Variants in AFG2A observed in about 807,000 individuals in gnomAD.
AFG2A encodes ATPase family gene 2 protein homolog A.
the AFG2A span, among the ~76,000 whole-genome samples, chr4:122,976,692 G>A: frequency 0.81 from 123,284 of 152,056 alleles, 51,723 homozygotes; most frequent in East Asian, 0.96. Context: ...AGTTTGCTTC[G>A]CTCTTGTATT....
chr4:123,132,982 G>T, the AFG2A span, among the ~76,000 whole-genome samples: 1 of 151,842 alleles, frequency 6.6e-6, no homozygotes, highest in African/African-American at 2.4e-5. Flanking sequence ...GGGTTTCACC[G>T]TGTTAGCCAG....
the AFG2A span, among the ~76,000 whole-genome samples, chr4:123,135,241 A>G: frequency 1.3e-5 from 2 of 152,202 alleles, no homozygotes; most frequent in African/African-American, 2.4e-5. Context: ...CAAATTAGGT[A>G]CAGAAGGAAT....
At chr4:123,124,380 T>C in the AFG2A span, among the ~76,000 whole-genome samples, 1 of 152,112 alleles carries the variant, frequency 6.6e-6, no homozygotes, top group Non-Finnish European at 1.5e-5. Flanking sequence ...CAGCAAGCTA[T>C]TGCAAGGACA....
At chr4:122,971,250 T>C in the AFG2A span, among the ~76,000 whole-genome samples, 1 of 151,828 alleles carries the variant, frequency 6.6e-6, no homozygotes, top group Non-Finnish European at 1.5e-5. Flanking sequence ...CTACAGAAAA[T>C]TTACAGAATA....
the AFG2A span, among the ~76,000 whole-genome samples, chr4:123,248,797 A>G: frequency 2.0e-5 from 3 of 152,198 alleles, no homozygotes; most frequent in African/African-American, 7.2e-5. Flanking sequence ...CTCGTAGCTC[A>G]TTGTTCCATT....
chr4:123,237,245 G>A, the AFG2A span, among the ~76,000 whole-genome samples: 1 of 152,128 alleles, frequency 6.6e-6, no homozygotes, highest in African/African-American at 2.4e-5. Context: ...AAAAACAGCT[G>A]GTGGGACAGA....
chr4:123,238,620 C>A, the AFG2A span, among the ~76,000 whole-genome samples: 1 of 152,166 alleles, frequency 6.6e-6, no homozygotes, highest in Non-Finnish European at 1.5e-5. Context: ...AACTAACAAA[C>A]CAAAAGGAAT....
the AFG2A span, among the ~76,000 whole-genome samples, chr4:122,980,643 A>G: frequency 6.6e-6 from 1 of 152,082 alleles, no homozygotes; most frequent in South Asian, 2.1e-4. Flanking sequence ...TTTTCTCCAT[A>G]TCCTTGGCAA....
chr4:123,006,937 T>C, the AFG2A span, among the ~76,000 whole-genome samples: 18 of 43,958 alleles, frequency 4.1e-4, no homozygotes, highest in African/African-American at 6.1e-4. Flanking sequence ...TCTTTTACTC[T>C]CTTTTTTTTT....
chr4:123,139,866 T>G, the AFG2A span, among the ~76,000 whole-genome samples: 3 of 152,066 alleles, frequency 2.0e-5, no homozygotes, highest in Admixed American at 2.0e-4. Context: ...TATAAGCCTA[T>G]TATTTAATAT....
chr4:123,254,667 T>G, the AFG2A span, among the ~76,000 whole-genome samples: 3 of 152,214 alleles, frequency 2.0e-5, no homozygotes, highest in African/African-American at 7.2e-5. Context: ...TGATTTTTAG[T>G]ATATTCACAC....
chr4:122,987,276 C>T, the AFG2A span, among the ~76,000 whole-genome samples: 1 of 152,090 alleles, frequency 6.6e-6, no homozygotes, highest in Non-Finnish European at 1.5e-5. Context: ...AGAATACTTT[C>T]ACTTCAGCTT....
the AFG2A span, among the ~76,000 whole-genome samples, chr4:123,164,297 G>A: frequency 3.3e-5 from 5 of 152,168 alleles, no homozygotes; most frequent in South Asian, 1.0e-3. Flanking sequence ...TTTCATGTGT[G>A]TAACTTACTT....
the AFG2A span, among the ~76,000 whole-genome samples, chr4:123,011,915 G>GC: frequency 6.8e-6 from 1 of 146,064 alleles, no homozygotes; most frequent in African/African-American, 2.5e-5. Flanking sequence ...GGTGTGGGGT[G>GC]CTTGCTTCCC....
the AFG2A span, among the ~76,000 whole-genome samples, chr4:123,209,419 A>T: frequency 6.6e-6 from 1 of 151,012 alleles, no homozygotes; most frequent in African/African-American, 2.4e-5. Flanking sequence ...AGGGAAAAAA[A>T]TTTTTTTTTC....
chr4:123,103,758 C>T, the AFG2A span, among the ~76,000 whole-genome samples: 4 of 152,024 alleles, frequency 2.6e-5, no homozygotes, highest in Admixed American at 6.6e-5. Flanking sequence ...TGTCTACCTA[C>T]GTGAATGAAT....
the AFG2A span, among the ~76,000 whole-genome samples, chr4:123,196,182 T>G: frequency 2.8e-5 from 4 of 143,556 alleles, no homozygotes; most frequent in African/African-American, 7.5e-5. Flanking sequence ...TTTTTTTTTT[T>G]TTTTTTTTAG....
At chr4:123,187,043 A>G in the AFG2A span, among the ~76,000 whole-genome samples, 2 of 152,190 alleles carry the variant, frequency 1.3e-5, no homozygotes, top group Admixed American at 1.3e-4. Context: ...TACAAAGGGA[A>G]AGGCTTGGGA....
At chr4:123,051,427 A>G in the AFG2A span, among the ~76,000 whole-genome samples, 1 of 152,030 alleles carries the variant, frequency 6.6e-6, no homozygotes, top group Non-Finnish European at 1.5e-5. Context: ...TTTTGATTTT[A>G]CAACTTGCTG....
Sources: allele counts gnomAD v4.1 joint callset (sites outside exome capture counted in the v4.1 genomes callset), GRCh38; gene constraint gnomAD v4.1.1; transcripts MANE v1.5; gene names NCBI Gene and HGNC (gene_info 2026-07-23, HGNC 2026-07-21).